ANKRD30B: variants seen among roughly 807,000 people sequenced by gnomAD.
ANKRD30B encodes the protein ankyrin repeat domain-containing protein 30B.
Under a neutral mutation model 202.2 loss-of-function variants are expected in ANKRD30B, and 144 were observed. That is an observed-to-expected ratio of 0.71 (90% CI 0.62 to 0.82). The LOEUF (loss-of-function observed/expected upper bound fraction) is 0.82. Ranked by LOEUF, ANKRD30B falls within the 40% of genes least tolerant of loss-of-function variation. ANKRD30B has a pLI of 0.00. For synonymous variants in ANKRD30B, 508 were observed against 561.3 expected (o/e 0.91, Z 1.34); for missense variants, 1,487 against 1,669.1 (o/e 0.89, Z 1.90).
the ANKRD30B span, among the ~76,000 whole-genome samples, chr18:14,910,880 G>C: frequency 1.3e-5 from 2 of 152,114 alleles, no homozygotes; most frequent in Non-Finnish European, 2.9e-5. Context: ...AATGATTAGT[G>C]ATGTTCAGCA....
At chr18:14,836,816 A>T (rs948990268) in intron 34 of ANKRD30B, among the ~76,000 whole-genome samples, 4 of 151,846 alleles carry the variant, frequency 2.6e-5, no homozygotes, top group South Asian at 2.1e-4. Context: ...TTGCACCTAG[A>T]GTCTTTGTAT....
chr18:14,844,721 T>G (rs1380130059), intron 39 of ANKRD30B, among the ~76,000 whole-genome samples: 1 of 152,242 alleles, frequency 6.6e-6, no homozygotes, highest in Non-Finnish European at 1.5e-5. Context: ...GTTTTCCTAT[T>G]TCTCCACAGC....
chr18:14,762,827 C>G (rs1477017460), intron 6 of ANKRD30B, among the ~76,000 whole-genome samples: 1 of 152,116 alleles, frequency 6.6e-6, no homozygotes, highest in African/African-American at 2.4e-5. Flanking sequence ...CAAAGGACCT[C>G]TATAAGTTAG....
At chr18:14,924,292 G>A in the ANKRD30B span, among the ~76,000 whole-genome samples, 1 of 152,238 alleles carries the variant, frequency 6.6e-6, no homozygotes, top group African/African-American at 2.4e-5. Flanking sequence ...ATTCTGGGAA[G>A]TTCACAGAGT....
chr18:14,833,970 CTA>C (rs1351722455), intron 34 of ANKRD30B, among the ~76,000 whole-genome samples: 1 of 152,162 alleles, frequency 6.6e-6, no homozygotes, highest in Non-Finnish European at 1.5e-5. Flanking sequence ...TTACAGGTCT[CTA>C]TTTAGTTGCT....
Position 14,772,207 on chromosome 18 carries a change from A to G in ANKRD30B, c.1308A>G (p.Glu436=), listed in dbSNP as rs1967046354. 2.7e-6 allele frequency: 4 copies of G among 1,508,398 alleles called. No individual in the cohort carries two copies. Among genetic ancestry groups the G allele is most frequent in the Non-Finnish European group, 2.7e-6 (3 of 1,122,460 alleles). 93.4% of individuals were successfully genotyped at this position (1,508,398 alleles called of 1,614,324 possible). A position where few individuals can be genotyped will look rare whatever the true frequency, so the allele number is the denominator to read the frequency against. ...ATTCACAGTGTACAAAAGTTGAGGA[A>G]GACTTTAATCTTGCTACCAAGGTAA... ...IENSQCTKVE[E]DFNLATKIIS... The change falls in exon 9 of 44, where the codon GAA becomes GAG. Residue 436 remains glutamate (E), a synonymous_variant. Coordinates refer to ENST00000690538, the MANE Select transcript of ANKRD30B (RefSeq NM_001367607.2).
chr18:14,902,146 C>G, the ANKRD30B span, among the ~76,000 whole-genome samples: 5 of 152,218 alleles, frequency 3.3e-5, no homozygotes, highest in African/African-American at 1.2e-4. Context: ...GGAAACCGCT[C>G]CCATGATTCA....
At chr18:14,913,848 T>C in the ANKRD30B span, among the ~76,000 whole-genome samples, 2 of 152,212 alleles carry the variant, frequency 1.3e-5, no homozygotes, top group East Asian at 3.8e-4. Flanking sequence ...AAGTAAAAAT[T>C]AACATCTATA....
chr18:14,753,390 G>T (rs1913786738), intron 3 of ANKRD30B, among the ~76,000 whole-genome samples: 1 of 152,188 alleles, frequency 6.6e-6, no homozygotes, highest in South Asian at 2.1e-4. Context: ...TTAAAGGATT[G>T]CATCTGGTGT....
chr18:14,790,938 A>T (rs539906454), intron 15 of ANKRD30B, among the ~76,000 whole-genome samples: 4 of 152,076 alleles, frequency 2.6e-5, no homozygotes, highest in Non-Finnish European at 5.9e-5. Flanking sequence ...CTCTTTTTCT[A>T]TTGATTGGAA....
the ANKRD30B span, among the ~76,000 whole-genome samples, chr18:14,891,233 C>T: frequency 6.6e-5 from 10 of 151,890 alleles, no homozygotes; most frequent in East Asian, 1.6e-3. Context: ...TTGCCCCATA[C>T]CTTCACTTCA....
intron 37 of ANKRD30B, among the ~76,000 whole-genome samples, chr18:14,841,745 T>C (rs1172497581): frequency 2.0e-5 from 3 of 152,090 alleles, no homozygotes; most frequent in African/African-American, 7.2e-5. Context: ...TGAAAGGAAA[T>C]TTGAGTGAAT....
the ANKRD30B span, among the ~76,000 whole-genome samples, chr18:14,871,169 C>T: frequency 2.0e-4 from 5 of 25,528 alleles, no homozygotes; most frequent in African/African-American, 5.0e-4. Flanking sequence ...CTACCCACAC[C>T]GGCACACCCT....
At chr18:14,928,587 G>T in the ANKRD30B span, among the ~76,000 whole-genome samples, 1 of 152,226 alleles carries the variant, frequency 6.6e-6, no homozygotes, top group South Asian at 2.1e-4. Flanking sequence ...CTCCGGCCTT[G>T]GAACTGGAAC....
At chr18:14,895,469 G>T in the ANKRD30B span, among the ~76,000 whole-genome samples, 1 of 152,108 alleles carries the variant, frequency 6.6e-6, no homozygotes, top group Non-Finnish European at 1.5e-5. Context: ...AAGACAATTT[G>T]GCAGTTTCTT....
chr18:14,864,259 G>C, the ANKRD30B span, among the ~76,000 whole-genome samples: 1 of 151,958 alleles, frequency 6.6e-6, no homozygotes, highest in African/African-American at 2.4e-5. Flanking sequence ...GGCTTGAACC[G>C]GGGAGGTGGA....
At chr18:14,899,305 T>C in the ANKRD30B span, among the ~76,000 whole-genome samples, 1 of 152,094 alleles carries the variant, frequency 6.6e-6, no homozygotes, top group Non-Finnish European at 1.5e-5. Flanking sequence ...TTTGAAAAAA[T>C]AAATTTTAAA....
At chr18:14,882,731 T>A in the ANKRD30B span, among the ~76,000 whole-genome samples, 1 of 151,578 alleles carries the variant, frequency 6.6e-6, no homozygotes, top group African/African-American at 2.4e-5. Flanking sequence ...TCATTGTGTT[T>A]CTGTCTATCT....
At chr18:14,937,042 C>T in the ANKRD30B span, among the ~76,000 whole-genome samples, 2 of 152,194 alleles carry the variant, frequency 1.3e-5, no homozygotes, top group Non-Finnish European at 2.9e-5. Flanking sequence ...CCAAGCTGTG[C>T]TGGTAGTGAC....
Sources: gnomAD v4.1 joint callset for allele counts (sites outside exome capture counted in the v4.1 genomes callset) on GRCh38, gnomAD v4.1.1 for gene constraint, MANE v1.5 for transcripts, NCBI Gene and HGNC (gene_info 2026-07-23, HGNC 2026-07-21) for gene names.